MYL12B: variants seen among roughly 807,000 people sequenced by gnomAD.
The protein encoded by MYL12B is myosin regulatory light chain 12B.
Under a neutral mutation model 12.9 loss-of-function variants are expected in MYL12B, and 3 were observed. The observed-to-expected ratio is 0.23, with a 90% CI of 0.11 to 0.60. The LOEUF is 0.60. Ranked by LOEUF, MYL12B falls within the 20% of genes least tolerant of loss-of-function variation. The pLI is 0.89. For synonymous variants in MYL12B, 57 were observed against 71.9 expected, an observed-to-expected ratio of 0.79 and a Z score of 1.05; for missense variants, 120 against 215.4, an observed-to-expected ratio of 0.56 and a Z score of 2.77.
intron 1 of MYL12B, among the ~76,000 whole-genome samples, chr18:3,268,456 G>GTTTCAAAAC (rs1332091002): frequency 6.6e-6 from 1 of 152,168 alleles, no homozygotes; most frequent in African/African-American, 2.4e-5. Flanking sequence ...CTAGATCAAA[G>GTTTCAAAAC]TTTCAAAGGA....
Position 3,278,403 on chromosome 18 carries a change from A to G in MYL12B, c.*466A>G, listed in dbSNP as rs910281813. On this transcript the variant is annotated 3_prime_UTR_variant, in exon 4 of 4. Coordinates refer to ENST00000237500, the MANE Select transcript of MYL12B (RefSeq NM_033546.4). ...TCACATATATGGGACAGTGTTCTTCAGAACTTTTAAGTACCCTTTAACATT... is the reference window on the plus strand; with the variant it reads ...TCACATATATGGGACAGTGTTCTTCGGAACTTTTAAGTACCCTTTAACATT... 3.9e-5 allele frequency: 6 copies of G among 154,716 alleles called. No individual in the cohort carries two copies. Among genetic ancestry groups the G allele is most frequent in the African/African-American group, 1.4e-4 (6 of 41,458 alleles). 9.6% of individuals were successfully genotyped at this position (154,716 alleles called of 1,614,324 possible). A position where few individuals can be genotyped will look rare whatever the true frequency, so the allele number is the denominator to read the frequency against.
intron 1 of MYL12B, among the ~76,000 whole-genome samples, chr18:3,263,627 G>A (rs767748560): frequency 6.6e-6 from 1 of 152,262 alleles, no homozygotes; most frequent in Admixed American, 6.5e-5. Context: ...AGGATTTAGA[G>A]CCCCGACATG....
chr18:3,275,290 A>C (rs1177975060), intron 2 of MYL12B, among the ~76,000 whole-genome samples: 1 of 152,196 alleles, frequency 6.6e-6, no homozygotes, highest in Non-Finnish European at 1.5e-5. Flanking sequence ...GGAGATGGAA[A>C]GTAGAAGGAT....
At chr18:3,263,604 G>C (rs1598804508) in intron 1 of MYL12B, among the ~76,000 whole-genome samples, 1 of 152,246 alleles carries the variant, frequency 6.6e-6, no homozygotes, top group South Asian at 2.1e-4. Context: ...AGTTGCTAGG[G>C]TTAGGAAAGA....
chr18:3,276,816 C>A, intron 2 of MYL12B: 1 of 605,446 alleles, frequency 1.7e-6, no homozygotes, highest in Non-Finnish European at 2.1e-6. Flanking sequence ...GCAGGTGGAT[C>A]ACTTGAGCTC....
Position 3,268,928 on chromosome 18 carries a change from T to C in MYL12B, c.-15-3956T>C, listed in dbSNP as rs553967583. Among the ~76,000 whole-genome samples, 7 of 152,256 alleles carry C rather than the reference T, an allele frequency of 4.6e-5. No individual in the cohort carries two copies. The South Asian group carries it at 8.3e-4, about 18-fold the overall frequency. On this transcript the variant is annotated intron_variant, in intron 1 of 3. Transcript: ENST00000237500. ...TCTAGCACATGAGTCACTTAATAAA[T>C]GGTAGTAGCTGTAAGTTGAGTAGAT...
At chr18:3,276,762 C>T (rs1483200778) in intron 2 of MYL12B, among the ~76,000 whole-genome samples, 5 of 151,934 alleles carry the variant, frequency 3.3e-5, no homozygotes, top group South Asian at 2.1e-4. Context: ...GTAGGCCGGG[C>T]GCGGTGATGC....
At chr18:3,272,000 G>A in intron 1 of MYL12B, 1 of 933,568 alleles carries the variant, frequency 1.1e-6, no homozygotes, top group Non-Finnish European at 1.3e-6. Flanking sequence ...GATCAGACTG[G>A]GCAATATAGT....
At chr18:3,262,669 G>A (rs2081602804) in intron 1 of MYL12B, 1 of 152,390 alleles carries the variant, frequency 6.6e-6, no homozygotes. Flanking sequence ...ACCCGGGCGT[G>A]TTCGTGTGGA....
At chr18:3,262,792 A>G (rs1471566250) in intron 1 of MYL12B, 6 of 152,406 alleles carry the variant, frequency 3.9e-5, no homozygotes, top group Admixed American at 1.3e-4. Flanking sequence ...CATGCCGGTA[A>G]CCGAGTGTGT....
chr18:3,277,497 C>A, intron 3 of MYL12B, 83 bp downstream of exon 3: 3 of 1,531,936 alleles, frequency 2.0e-6, no homozygotes, highest in Non-Finnish European at 2.6e-6. Flanking sequence ...TCTTTTTTTA[C>A]CTTTAGAAAA....
chr18:3,267,600 C>T (rs2081643681), intron 1 of MYL12B, among the ~76,000 whole-genome samples: 1 of 152,144 alleles, frequency 6.6e-6, no homozygotes, highest in South Asian at 2.1e-4. Flanking sequence ...CTGTGGTCAA[C>T]TGAAGTCTGA....
chr18:3,275,452 A>G (rs1785244), intron 2 of MYL12B, among the ~76,000 whole-genome samples: 6,388 of 152,254 alleles, frequency 0.042, 483 homozygotes, highest in African/African-American at 0.14. Context: ...ATAACTCAGT[A>G]TAGTTGGAAT....
Position 3,270,358 on chromosome 18 carries a change from A to G in MYL12B, c.-15-2526A>G, listed in dbSNP as rs535378441. On this transcript the variant is annotated intron_variant, in intron 1 of 3. Coordinates refer to ENST00000237500, the MANE Select transcript of MYL12B (RefSeq NM_033546.4). ...TTTAAAATATAGTATTACTACATTG[A>G]GCCTATATCTGCTCTAACATATTTT... Among the ~76,000 whole-genome samples the G allele has an allele frequency of 8.3e-4, 127 of 152,340 alleles. 3 individuals carry two copies. In the South Asian group the frequency reaches 0.026, roughly 31 times the overall value.
chr18:3,273,350 A>G (rs905418157), intron 2 of MYL12B, among the ~76,000 whole-genome samples: 4 of 152,186 alleles, frequency 2.6e-5, no homozygotes, highest in African/African-American at 9.7e-5. Context: ...AAGCCAGGGC[A>G]TGGCTAGGCA....
At chr18:3,269,307 G>A (rs528021046) in intron 1 of MYL12B, among the ~76,000 whole-genome samples, 1 of 152,258 alleles carries the variant, frequency 6.6e-6, no homozygotes, top group African/African-American at 2.4e-5. Flanking sequence ...AGAGCCGAGA[G>A]GCAAGGGGAT....
chr18:3,276,484 C>T (rs2081732633), intron 2 of MYL12B: 1 of 984,680 alleles, frequency 1.0e-6, no homozygotes, highest in African/African-American at 1.8e-5. Flanking sequence ...TTAAGATTTC[C>T]CATTACAAAC....
In MYL12B at chr18:3,278,151, C is replaced by T. The variant is rs368049458; in HGVS notation, c.*214C>T. 1.9e-5 allele frequency: 8 copies of T among 421,536 alleles called. No individual in the cohort carries two copies. The highest frequency in any genetic ancestry group is 1.2e-4 in the East Asian group (3 of 25,416). The allele number at this position is 421,536 out of a possible 1,614,324, so 26.1% of individuals were successfully genotyped here. ...GGGTGTAAATTGTATTGAAAAAGAT[C>T]GCGAATAAAAATCAACAAATGTGAA... On this transcript the variant is annotated 3_prime_UTR_variant, in exon 4 of 4. Transcript: ENST00000237500.
chr18:3,271,416 A>C (rs1413770135), intron 1 of MYL12B, among the ~76,000 whole-genome samples: 1 of 152,232 alleles, frequency 6.6e-6, no homozygotes, highest in Non-Finnish European at 1.5e-5. Context: ...TTTAGCTTGA[A>C]TAAATAGAAG....
Sources: allele counts gnomAD v4.1 joint callset (sites outside exome capture counted in the v4.1 genomes callset), GRCh38; gene constraint gnomAD v4.1.1; transcripts MANE v1.5; gene names NCBI Gene and HGNC (gene_info 2026-07-23, HGNC 2026-07-21).